The following UBE4B variants were observed in gnomAD, a reference collection of about 807,000 sequenced individuals.
The protein encoded by UBE4B is ubiquitin conjugation factor E4 B.
In UBE4B, 27 loss-of-function variants were observed where a neutral mutation model predicts 148.1. That is an observed-to-expected ratio of 0.18 (90% CI 0.13 to 0.25). UBE4B has a LOEUF of 0.25. Ranked by LOEUF, UBE4B falls within the 10% of genes least tolerant of loss-of-function variation. The probability of loss-of-function intolerance (pLI) is 1.00; values close to 1 mark genes in which losing one functional copy is unlikely to be tolerated. For synonymous variants in UBE4B, 596 were observed against 619.3 expected, an observed-to-expected ratio of 0.96 and a Z score of 0.56; for missense variants, 1,170 against 1,662.4, an observed-to-expected ratio of 0.70 and a Z score of 5.15.
intron 21 of UBE4B, among the ~76,000 whole-genome samples, chr1:10,156,029 CAA>C (rs750295704): frequency 0.029 from 2,506 of 85,818 alleles, 32 homozygotes; most frequent in Non-Finnish European, 0.042. Flanking sequence ...GACTCCATCT[CAA>C]AAAAAAAAAA....
chr1:10,155,464 G>C (rs369635814), intron 21 of UBE4B, among the ~76,000 whole-genome samples: 1 of 152,128 alleles, frequency 6.6e-6, no homozygotes, highest in East Asian at 1.9e-4. Context: ...CAGCAACCTC[G>C]CAGATGCCCT....
intron 2 of UBE4B, among the ~76,000 whole-genome samples, chr1:10,092,149 G>T (rs1309524710): frequency 6.6e-6 from 1 of 152,118 alleles, no homozygotes; most frequent in East Asian, 1.9e-4. Context: ...CTTGAGCCCA[G>T]AAGGTTGAGG....
chr1:10,079,004 A>G (rs1287478933), intron 2 of UBE4B, among the ~76,000 whole-genome samples: 1 of 150,770 alleles, frequency 6.6e-6, no homozygotes, highest in African/African-American at 2.4e-5. Context: ...TTTTTTGTAG[A>G]GATGAAGTTT....
At chr1:10,175,492 A>C (rs893160226) in intron 25 of UBE4B, among the ~76,000 whole-genome samples, 15 of 142,830 alleles carry the variant, frequency 1.1e-4, no homozygotes, top group African/African-American at 3.5e-4. Context: ...TCTACTAAAA[A>C]TACAAAAAAT....
intron 1 of UBE4B, chr1:10,054,551 A>G: frequency 3.1e-6 from 1 of 317,894 alleles, no homozygotes; most frequent in Non-Finnish European, 6.1e-6. Flanking sequence ...TCTTTTTCTG[A>G]TCATTTTCCT....
intron 18 of UBE4B, among the ~76,000 whole-genome samples, chr1:10,145,816 C>T (rs1645861783): frequency 1.3e-5 from 2 of 152,170 alleles, no homozygotes; most frequent in Admixed American, 6.6e-5. Context: ...ATTCATCACA[C>T]AAAACCTAAC....
At position 10,181,067 on chromosome 1, in the gene UBE4B, T is replaced by C. The variant is rs1206775371; in HGVS notation, c.*1111T>C. ...CTTAACATACTTGAATTCTCAAATT[T>C]CCTTTGGGGTAAAAAAAAAAAAAGG... On this transcript the variant is annotated 3_prime_UTR_variant, in exon 28 of 28. Transcript: ENST00000343090. The C allele has an allele frequency of 7.7e-6, 1 of 129,040 alleles. No homozygotes were observed. The highest frequency in any genetic ancestry group is 1.6e-5 in the Non-Finnish European group (1 of 61,902). 8.0% of individuals were successfully genotyped at this position (129,040 alleles called of 1,614,324 possible). A position where few individuals can be genotyped will look rare whatever the true frequency, so the allele number is the denominator to read the frequency against.
At chr1:10,137,266 G>C in intron 17 of UBE4B, 61 bp downstream of exon 17, 1 of 1,603,020 alleles carries the variant, frequency 6.2e-7, no homozygotes, top group South Asian at 1.1e-5. Context: ...TCAGGGGCAG[G>C]CAATTCCATT....
chr1:10,167,624 C>T (rs139707942), intron 23 of UBE4B, among the ~76,000 whole-genome samples: 1 of 126,998 alleles, frequency 7.9e-6, no homozygotes, highest in East Asian at 2.4e-4. Context: ...GACGGAGTCT[C>T]ACTCTGTCAC....
intron 1 of UBE4B, among the ~76,000 whole-genome samples, chr1:10,052,327 C>T (rs982211361): frequency 2.0e-5 from 3 of 152,140 alleles, no homozygotes; most frequent in African/African-American, 7.2e-5. Context: ...CGGCCTTAGC[C>T]TCCCAAAATG....
At chr1:10,046,502 C>T (rs1223521890) in intron 1 of UBE4B, among the ~76,000 whole-genome samples, 1 of 152,102 alleles carries the variant, frequency 6.6e-6, no homozygotes, top group South Asian at 2.1e-4. Flanking sequence ...GGGAGTAATA[C>T]TCTGCGCTGG....
At chr1:10,058,725 A>G (rs1019952172) in intron 1 of UBE4B, 63 of 152,358 alleles carry the variant, frequency 4.1e-4, no homozygotes, top group African/African-American at 1.5e-3. Context: ...TGTGACACTG[A>G]CCTGAGCCTT....
chr1:10,170,010 A>G (rs1476451383), intron 24 of UBE4B, among the ~76,000 whole-genome samples: 6 of 152,206 alleles, frequency 3.9e-5, no homozygotes, highest in African/African-American at 1.4e-4. Context: ...ACTCTTCTCA[A>G]AAATAAATAA....
intron 1 of UBE4B, among the ~76,000 whole-genome samples, chr1:10,068,302 T>C (rs1407719030): frequency 1.3e-5 from 2 of 152,016 alleles, no homozygotes; most frequent in African/African-American, 2.4e-5. Context: ...AATGCTGGGA[T>C]TACGAGCATG....
At chr1:10,092,207 T>C (rs1644858411) in intron 2 of UBE4B, among the ~76,000 whole-genome samples, 1 of 148,478 alleles carries the variant, frequency 6.7e-6, no homozygotes. Flanking sequence ...CTGGCCAACA[T>C]AGTGAGACCC....
intron 2 of UBE4B, among the ~76,000 whole-genome samples, chr1:10,087,678 TATCC>T (rs1173461792): frequency 6.6e-6 from 1 of 152,220 alleles, no homozygotes; most frequent in Non-Finnish European, 1.5e-5. Flanking sequence ...GGGTATATAA[TATCC>T]ACATGATGTC....
At chr1:10,130,127 G>A (rs979518378) in intron 12 of UBE4B, among the ~76,000 whole-genome samples, 19 of 152,054 alleles carry the variant, frequency 1.2e-4, no homozygotes, top group African/African-American at 3.9e-4. Flanking sequence ...AGGCTGGAGC[G>A]CAGTGGCGCA....
chr1:10,038,261 CAA>C (rs1643618337), intron 1 of UBE4B, among the ~76,000 whole-genome samples: 1 of 135,228 alleles, frequency 7.4e-6, no homozygotes. Flanking sequence ...GCCTGGGCAA[CAA>C]GAGTGAAACT....
chr1:10,102,636 C>T (rs769459301), intron 4 of UBE4B, among the ~76,000 whole-genome samples: 3 of 151,826 alleles, frequency 2.0e-5, no homozygotes, highest in Non-Finnish European at 4.4e-5. Flanking sequence ...GTCTTGAGCT[C>T]CTGACCTCAG....
Sources: allele counts gnomAD v4.1 joint callset (sites outside exome capture counted in the v4.1 genomes callset), GRCh38; gene constraint gnomAD v4.1.1; transcripts MANE v1.5; gene names NCBI Gene and HGNC (gene_info 2026-07-23, HGNC 2026-07-21).